Variants in PRKACB observed in about 807,000 individuals in gnomAD.
PRKACB encodes protein kinase cAMP-activated catalytic subunit beta, also known as cAMP-dependent protein kinase catalytic subunit beta.
PRKACB carries 16 observed loss-of-function variants against 51.4 expected under a neutral mutation model. The observed-to-expected ratio is 0.31, with a 90% CI of 0.21 to 0.47. The LOEUF is 0.47. PRKACB is among the 20% of genes least tolerant of loss of function. PRKACB has a pLI of 1.00. For synonymous variants in PRKACB, 147 were observed against 154.4 expected, an observed-to-expected ratio of 0.95 and a Z score of 0.35; for missense variants, 309 against 464.5, an observed-to-expected ratio of 0.67 and a Z score of 3.08.
intron 9 of PRKACB, among the ~76,000 whole-genome samples, chr1:84,224,323 G>A (rs1246928156): frequency 6.6e-6 from 1 of 152,194 alleles, no homozygotes; most frequent in Non-Finnish European, 1.5e-5. Context: ...TACCAGCAGT[G>A]GCAGTGGTAG....
intron 1 of PRKACB, among the ~76,000 whole-genome samples, chr1:84,091,147 C>T (rs894621490): frequency 2.6e-5 from 4 of 152,022 alleles, no homozygotes; most frequent in African/African-American, 9.7e-5. Context: ...GACTTTGGTG[C>T]CCAGGCAGGT....
intron 1 of PRKACB, among the ~76,000 whole-genome samples, chr1:84,178,059 C>T (rs1661946863): frequency 6.6e-6 from 1 of 152,036 alleles, no homozygotes; most frequent in African/African-American, 2.4e-5. Flanking sequence ...CTGTCATCAT[C>T]ATTTTGAAAT....
At chr1:84,095,850 A>G (rs1191024203) in intron 1 of PRKACB, among the ~76,000 whole-genome samples, 1 of 151,946 alleles carries the variant, frequency 6.6e-6, no homozygotes, top group African/African-American at 2.4e-5. Flanking sequence ...TTCTACTTGT[A>G]AATTTTTCTA....
chr1:84,106,633 T>A (rs1224894127), intron 1 of PRKACB, among the ~76,000 whole-genome samples: 2 of 152,152 alleles, frequency 1.3e-5, no homozygotes, highest in Non-Finnish European at 2.9e-5. Flanking sequence ...GAGCACTCCA[T>A]GCTCTTAGAT....
intron 9 of PRKACB, among the ~76,000 whole-genome samples, chr1:84,230,403 T>C (rs1298813337): frequency 1.3e-5 from 2 of 152,116 alleles, no homozygotes; most frequent in South Asian, 2.1e-4. Context: ...TTAGGATTGA[T>C]TTGGCGATGC....
At chr1:84,178,536 A>G (rs1028938411) in intron 1 of PRKACB, among the ~76,000 whole-genome samples, 10 of 152,034 alleles carry the variant, frequency 6.6e-5, no homozygotes, top group Admixed American at 5.9e-4. Flanking sequence ...TGCATTTTAA[A>G]TTGGGTATTC....
intron 1 of PRKACB, among the ~76,000 whole-genome samples, chr1:84,121,652 T>G (rs1035751861): frequency 6.6e-6 from 1 of 152,106 alleles, no homozygotes; most frequent in Non-Finnish European, 1.5e-5. Context: ...TTTGCAAGTC[T>G]TACAAAAGCA....
At chr1:84,187,365 A>G (rs1026311297) in intron 5 of PRKACB, among the ~76,000 whole-genome samples, 6 of 152,130 alleles carry the variant, frequency 3.9e-5, no homozygotes, top group Non-Finnish European at 8.8e-5. Flanking sequence ...GTGAAAAAGC[A>G]GGCATTAAGA....
intron 1 of PRKACB, among the ~76,000 whole-genome samples, chr1:84,089,268 T>C (rs1164537166): frequency 6.6e-6 from 1 of 152,178 alleles, no homozygotes; most frequent in Non-Finnish European, 1.5e-5. Flanking sequence ...GTCAGTAATG[T>C]ATTGACTATT....
At chr1:84,233,333 G>A (rs1274303615) in intron 9 of PRKACB, among the ~76,000 whole-genome samples, 3 of 150,228 alleles carry the variant, frequency 2.0e-5, no homozygotes, top group Non-Finnish European at 4.5e-5. Flanking sequence ...CTTTCTCTCT[G>A]GCTGCCCTTA....
At chr1:84,093,402 G>A (rs1407035040) in intron 1 of PRKACB, among the ~76,000 whole-genome samples, 1 of 151,932 alleles carries the variant, frequency 6.6e-6, no homozygotes, top group African/African-American at 2.4e-5. Context: ...CTTCCCCAAA[G>A]CACTGTAATG....
chr1:84,153,163 T>A (rs1655045029), intron 1 of PRKACB, among the ~76,000 whole-genome samples: 2 of 152,056 alleles, frequency 1.3e-5, no homozygotes, highest in African/African-American at 4.8e-5. Flanking sequence ...CCCTTATCAA[T>A]TAAGCTCACC....
intron 2 of PRKACB, among the ~76,000 whole-genome samples, chr1:84,179,684 T>A (rs1439783124): frequency 2.6e-5 from 4 of 151,966 alleles, no homozygotes; most frequent in African/African-American, 7.2e-5. Context: ...ATGTTCTATA[T>A]AATTAAAGTA....
chr1:84,091,831 A>G (rs1017253633), intron 1 of PRKACB, among the ~76,000 whole-genome samples: 2 of 152,252 alleles, frequency 1.3e-5, no homozygotes, highest in South Asian at 2.1e-4. Flanking sequence ...CAAGTTTAGC[A>G]TGAGAAATAA....
At chr1:84,179,495 C>T (rs541036224) in intron 2 of PRKACB, among the ~76,000 whole-genome samples, 3 of 151,738 alleles carry the variant, frequency 2.0e-5, no homozygotes, top group African/African-American at 7.2e-5. Context: ...GCTATAAAAT[C>T]TTAATATTTT....
intron 1 of PRKACB, among the ~76,000 whole-genome samples, chr1:84,128,605 T>A (rs1251531960): frequency 1.3e-5 from 2 of 152,218 alleles, no homozygotes; most frequent in African/African-American, 4.8e-5. Context: ...CATATATTTA[T>A]TAATCAGATG....
chr1:84,203,914 G>A (rs1244383594), intron 8 of PRKACB, among the ~76,000 whole-genome samples: 1 of 151,904 alleles, frequency 6.6e-6, no homozygotes, highest in South Asian at 2.1e-4. Context: ...CCATATTCAA[G>A]CTCTACATTT....
chr1:84,222,223 A>T (rs1673840012), intron 9 of PRKACB, among the ~76,000 whole-genome samples: 1 of 151,958 alleles, frequency 6.6e-6, no homozygotes, highest in Non-Finnish European at 1.5e-5. Context: ...CCTTTATCTG[A>T]TATAAATTTA....
intron 5 of PRKACB, 92 bp from the exon 6 acceptor site, chr1:84,196,524 C>G: frequency 1.1e-5 from 14 of 1,269,140 alleles, no homozygotes; most frequent in Non-Finnish European, 1.5e-5. Context: ...TCCCAAAGTA[C>G]CTCTACTTCA....
Sources: gnomAD v4.1 joint callset for allele counts (sites outside exome capture counted in the v4.1 genomes callset) on GRCh38, gnomAD v4.1.1 for gene constraint, MANE v1.5 for transcripts, NCBI Gene and HGNC (gene_info 2026-07-23, HGNC 2026-07-21) for gene names.